STPG2: variants seen among roughly 807,000 people sequenced by gnomAD.
The protein encoded by STPG2 is sperm-tail PG-rich repeat-containing protein 2.
Under a neutral mutation model 54.2 loss-of-function variants are expected in STPG2, and 56 were observed. That is an observed-to-expected ratio of 1.03 (90% CI 0.83 to 1.29). The LOEUF (loss-of-function observed/expected upper bound fraction) is 1.29. STPG2 is among the 50% of genes most tolerant of loss of function. STPG2 has a pLI of 0.00. For missense variants in STPG2, 596 were observed against 544.9 expected, an observed-to-expected ratio of 1.09 and a Z score of -0.93; for synonymous variants, 200 against 181.8, an observed-to-expected ratio of 1.10 and a Z score of -0.81.
chr4:98,062,391 C>T (rs1450979282), intron 5 of STPG2, among the ~76,000 whole-genome samples: 1 of 151,986 alleles, frequency 6.6e-6, no homozygotes, highest in Non-Finnish European at 1.5e-5. Flanking sequence ...ATGCAACAAA[C>T]CCCCATGACA....
chr4:97,826,344 A>G (rs1011154752), intron 9 of STPG2, among the ~76,000 whole-genome samples: 7 of 152,160 alleles, frequency 4.6e-5, no homozygotes, highest in Admixed American at 3.9e-4. Context: ...TTTATGTGAG[A>G]TAGAAAAATA....
chr4:98,043,963 CTTCT>C (rs1737041025), intron 5 of STPG2, among the ~76,000 whole-genome samples: 1 of 151,922 alleles, frequency 6.6e-6, no homozygotes, highest in Non-Finnish European at 1.5e-5. Context: ...CTGTTGTTCC[CTTCT>C]TTGTGTTCAT....
chr4:98,098,511 T>A (rs1469648916), intron 5 of STPG2, among the ~76,000 whole-genome samples: 1 of 152,172 alleles, frequency 6.6e-6, no homozygotes, highest in African/African-American at 2.4e-5. Flanking sequence ...CTCCAAAGTA[T>A]GAAATTACTA....
chr4:97,600,733 G>A (rs1733436597), intron 10 of STPG2, among the ~76,000 whole-genome samples: 1 of 152,054 alleles, frequency 6.6e-6, no homozygotes, highest in African/African-American at 2.4e-5. Flanking sequence ...TGCATAGTGG[G>A]GGAAAGTTCA....
intron 5 of STPG2, among the ~76,000 whole-genome samples, chr4:98,015,660 A>C (rs544321946): frequency 1.3e-5 from 2 of 152,294 alleles, no homozygotes; most frequent in South Asian, 2.1e-4. Flanking sequence ...AATTCCTCAA[A>C]GATCTAGAAC....
chr4:97,651,403 A>C (rs937768483), intron 10 of STPG2, among the ~76,000 whole-genome samples: 4 of 152,182 alleles, frequency 2.6e-5, no homozygotes, highest in Admixed American at 6.5e-5. Context: ...AGTGTAAAAT[A>C]GCTCCAAACT....
At chr4:97,451,606 G>T (rs1290161008) in intron 4 of STPG2, among the ~76,000 whole-genome samples, 3 of 152,110 alleles carry the variant, frequency 2.0e-5, no homozygotes, top group African/African-American at 7.2e-5. Flanking sequence ...AGTGAAATGT[G>T]CCAGAAAATA....
chr4:97,457,579 T>G lies in STPG2; in HGVS notation c.462+255120A>C, dbSNP rs116560953. On this transcript the variant is annotated intron_variant, in intron 4 of 4. Transcript: ENST00000522676. ...GTGGAGTTCTGAACCACTTCTGGTG[T>G]TGTGCTGCCCAATTCCCAAATCACT... Among the ~76,000 whole-genome samples the G allele has an allele frequency of 4.0e-3, 603 of 152,338 alleles. 3 individuals carry two copies. Among genetic ancestry groups the G allele is most frequent in the African/African-American group, 0.014 (577 of 41,572 alleles).
At chr4:97,964,621 TAAC>T (rs764408751) in intron 7 of STPG2, among the ~76,000 whole-genome samples, 3 of 152,060 alleles carry the variant, frequency 2.0e-5, no homozygotes, top group Non-Finnish European at 4.4e-5. Context: ...ATAAAATAAA[TAAC>T]AATTCATGTA....
At chr4:98,096,655 A>C (rs1057279869) in intron 5 of STPG2, among the ~76,000 whole-genome samples, 6 of 152,094 alleles carry the variant, frequency 3.9e-5, no homozygotes, top group African/African-American at 1.4e-4. Flanking sequence ...AATGAAGAAA[A>C]CTATACAAAA....
intron 9 of STPG2, among the ~76,000 whole-genome samples, chr4:97,775,677 A>T (rs564993925): frequency 2.2e-4 from 34 of 152,218 alleles, no homozygotes; most frequent in Non-Finnish European, 3.2e-4. Context: ...CAACAAAGCA[A>T]AACAAATCCT....
chr4:97,648,644 C>A (rs1235205003), intron 10 of STPG2, among the ~76,000 whole-genome samples: 1 of 152,060 alleles, frequency 6.6e-6, no homozygotes, highest in Non-Finnish European at 1.5e-5. Context: ...ATCATGGACA[C>A]ATAATTTATG....
intron 9 of STPG2, among the ~76,000 whole-genome samples, chr4:97,799,589 G>T (rs1182778284): frequency 2.6e-5 from 4 of 152,154 alleles, no homozygotes; most frequent in Non-Finnish European, 5.9e-5. Flanking sequence ...TGGGTAACCC[G>T]ACCTTTCTCT....
intron 7 of STPG2, among the ~76,000 whole-genome samples, chr4:97,965,677 C>A (rs1813972): frequency 0.39 from 59,736 of 152,080 alleles, 11,886 homozygotes; most frequent in Middle Eastern, 0.46. Flanking sequence ...TGTTATTCTG[C>A]AACATTTGCT....
rs143061016 is a variant in STPG2, at chr4:97,889,789, T to C, written c.1045-48857A>G. On this transcript the variant is annotated intron_variant, in intron 8 of 10. Coordinates refer to ENST00000295268, the MANE Select transcript of STPG2 (RefSeq NM_174952.3). ...TAACATGGTGACTATAGTTAATATA[T>C]TATTCTTGAAAAATCCTAAGAGAGT... Among the ~76,000 whole-genome samples the C allele has an allele frequency of 5.0e-3, 757 of 152,236 alleles. 7 individuals are homozygous for C. Among genetic ancestry groups the C allele is most frequent in the African/African-American group, 0.017 (710 of 41,540 alleles).
At chr4:97,802,835 C>T (rs1170772456) in intron 9 of STPG2, among the ~76,000 whole-genome samples, 1 of 152,116 alleles carries the variant, frequency 6.6e-6, no homozygotes, top group Non-Finnish European at 1.5e-5. Context: ...CACATACACA[C>T]TTTCATCACC....
intron 8 of STPG2, among the ~76,000 whole-genome samples, chr4:97,876,299 G>A (rs559198093): frequency 6.6e-5 from 10 of 152,108 alleles, no homozygotes; most frequent in South Asian, 6.2e-4. Context: ...TTTAATATAC[G>A]ATTTTTTATA....
chr4:97,891,325 A>C (rs1730763558), intron 8 of STPG2, among the ~76,000 whole-genome samples: 1 of 152,112 alleles, frequency 6.6e-6, no homozygotes, highest in Non-Finnish European at 1.5e-5. Flanking sequence ...TGAGAAACTC[A>C]ATCAGCTGGA....
downstream of STPG2, among the ~76,000 whole-genome samples, chr4:97,555,397 A>G (rs1401243371): frequency 1.3e-5 from 2 of 152,234 alleles, no homozygotes; most frequent in East Asian, 3.9e-4. Context: ...TTCCTCTCCT[A>G]TACTGGGTAA....
Sources: gnomAD v4.1 joint callset for allele counts (sites outside exome capture counted in the v4.1 genomes callset) on GRCh38, gnomAD v4.1.1 for gene constraint, MANE v1.5 for transcripts, NCBI Gene and HGNC (gene_info 2026-07-23, HGNC 2026-07-21) for gene names.